The following HECW2 variants were observed in gnomAD, a reference collection of about 807,000 sequenced individuals.
HECW2 encodes HECT, C2 and WW domain containing E3 ubiquitin protein ligase 2.
A neutral mutation model predicts 175.2 loss-of-function variants in HECW2; 61 were observed. The ratio of observed to expected loss-of-function variants is 0.35; its 90% CI spans 0.28 to 0.43. The LOEUF is 0.43. Ranked by LOEUF, HECW2 falls within the 20% of genes least tolerant of loss-of-function variation. The probability of loss-of-function intolerance (pLI) is 1.00; values close to 1 mark genes in which losing one functional copy is unlikely to be tolerated. For missense variants in HECW2, 1,524 were observed against 2,000.5 expected, an observed-to-expected ratio of 0.76 and a Z score of 4.54; for synonymous variants, 671 against 731.0, an observed-to-expected ratio of 0.92 and a Z score of 1.32.
At chr2:196,271,337 T>C in intron 16 of HECW2, 48 bp from the exon 17 acceptor site, 1 of 1,391,614 alleles carries the variant, frequency 7.2e-7, no homozygotes. Flanking sequence ...GAATCTATTT[T>C]TAGTTTTATG....
At chr2:196,335,009 A>G (rs1374661180) in intron 3 of HECW2, among the ~76,000 whole-genome samples, 1 of 152,238 alleles carries the variant, frequency 6.6e-6, no homozygotes, top group South Asian at 2.1e-4. Flanking sequence ...CTCTATCTAC[A>G]TTGACTGTAG....
rs368381961 is a variant in HECW2 at position 196,396,529 on chromosome 2, T to C, written c.292+36603A>G. Among the ~76,000 whole-genome samples, 8 of 152,338 alleles carry C rather than the reference T, an allele frequency of 5.3e-5. No homozygotes were observed. The East Asian group carries it at 9.6e-4, about 18-fold the overall frequency. On this transcript the variant is annotated intron_variant, in intron 2 of 28. Coordinates refer to ENST00000644978, the MANE Select transcript of HECW2 (RefSeq NM_001348768.2). ...ATTACACATTTCTGGTTGCAACATA[T>C]AAGACCATTTCAATCTTCTAAAGAA...
intron 13 of HECW2, among the ~76,000 whole-genome samples, chr2:196,294,889 T>C (rs546337690): frequency 6.6e-6 from 1 of 152,344 alleles, no homozygotes; most frequent in Admixed American, 6.5e-5. Flanking sequence ...TAATCCTTTG[T>C]TAGCTTAAGC....
At chr2:196,459,754 G>C (rs1212772697) in intron 1 of HECW2, among the ~76,000 whole-genome samples, 2 of 152,128 alleles carry the variant, frequency 1.3e-5, no homozygotes, top group Admixed American at 6.5e-5. Flanking sequence ...AGACCACAGA[G>C]TGGTTCTGGC....
chr2:196,420,287 T>C (rs1695373768), intron 2 of HECW2, among the ~76,000 whole-genome samples: 3 of 152,188 alleles, frequency 2.0e-5, no homozygotes. Context: ...GTGAGGCAAG[T>C]CTGTATTTAT....
rs551972839 is a variant in HECW2 at position 196,457,235 on chromosome 2, C to T, written c.-35-23777G>A. 3.3e-5 allele frequency among the ~76,000 whole-genome samples: 5 copies of T among 152,338 alleles called. No homozygotes were observed. In the East Asian group the frequency reaches 9.6e-4, roughly 29 times the overall value. On this transcript the variant is annotated intron_variant, in intron 1 of 28. Transcript: ENST00000644978. The stretch of plus-strand genomic sequence containing the variant: ...AAGTTTCAATGGCTTACAACTGCTT[C>T]ACTTTTACACAGAATTTTTGAACTA...
At chr2:196,526,640 A>G (rs11885127) in intron 1 of HECW2, among the ~76,000 whole-genome samples, 19,187 of 107,510 alleles carry the variant, frequency 0.18, 3,177 homozygotes, top group African/African-American at 0.46. Context: ...TGATGGTGAT[A>G]AACAGATGGG....
intron 1 of HECW2, among the ~76,000 whole-genome samples, chr2:196,434,657 C>G (rs1192479895): frequency 6.6e-6 from 1 of 152,174 alleles, no homozygotes; most frequent in African/African-American, 2.4e-5. Flanking sequence ...CTGTACCATC[C>G]CTTTCAGAAC....
In HECW2 at chr2:196,195,373, C is replaced by T. The variant is rs1461835255; in HGVS notation, c.*5904G>A. ...AGTCATATAGAAAGATATCACCTGC[C>T]CAAGGGCACTACACATAAAAATCAC... On this transcript the variant is annotated 3_prime_UTR_variant, in exon 29 of 29. Coordinates refer to ENST00000644978, the MANE Select transcript of HECW2 (RefSeq NM_001348768.2). 3.3e-5 allele frequency: 5 copies of T among 152,172 alleles called. No individual in the cohort carries two copies. The highest frequency in any genetic ancestry group is 4.8e-5 in the African/African-American group (2 of 41,428). The allele number at this position is 152,172 out of a possible 1,614,324, so 9.4% of individuals were successfully genotyped here.
At position 196,318,785 on chromosome 2, in the gene HECW2, C is replaced by T. The variant is rs762946487; in HGVS notation, c.2105G>A (p.Cys702Tyr). 1 of 1,528,250 alleles carries T rather than the reference C, an allele frequency of 6.5e-7. No individual in the cohort carries two copies. Among genetic ancestry groups the T allele is most frequent in the South Asian group, 1.3e-5 (1 of 77,044 alleles). 94.7% of individuals were successfully genotyped at this position (1,528,250 alleles called of 1,614,324 possible). A position where few individuals can be genotyped will look rare whatever the true frequency, so the allele number is the denominator to read the frequency against. Residue 702 changes from cysteine to tyrosine, a missense_variant, in exon 9 of 29, where the codon TGC becomes TAC. Cys to Tyr is a radical substitution (Grantham distance 194). Coordinates refer to ENST00000644978, the MANE Select transcript of HECW2 (RefSeq NM_001348768.2). ...GPAEGSQESV[C>Y]TAGSLPVVQV... The stretch of plus-strand genomic sequence containing the variant: ...TACCACAGGTAAAGAACCAGCAGTG[C>T]ACACGGATTCCTGCGACCCTTCGGC...
chr2:196,434,940 G>C (rs1695827733), intron 1 of HECW2, among the ~76,000 whole-genome samples: 1 of 152,238 alleles, frequency 6.6e-6, no homozygotes, highest in Non-Finnish European at 1.5e-5. Context: ...TCTGAGAGGA[G>C]GGCAAGGGAA....
chr2:196,228,582 C>T (rs760110978), intron 21 of HECW2, among the ~76,000 whole-genome samples: 21 of 152,112 alleles, frequency 1.4e-4, no homozygotes, highest in African/African-American at 3.4e-4. Context: ...GTAAATCTTT[C>T]GAATGTCAGG....
intron 1 of HECW2, among the ~76,000 whole-genome samples, chr2:196,474,464 A>G (rs949697020): frequency 6.6e-6 from 1 of 152,204 alleles, no homozygotes; most frequent in African/African-American, 2.4e-5. Flanking sequence ...TGTGCATTTT[A>G]CCTTAATAAT....
rs531920307 is a variant in HECW2 at position 196,278,133 on chromosome 2, A to AAAAAAAAAAAAAATATATATAT, written c.3135+394_3135+395insATATATATATTTTTTTTTTTTT. Among the ~76,000 whole-genome samples, 20 of 66,566 alleles carry AAAAAAAAAAAAAATATATATAT rather than the reference A, an allele frequency of 3.0e-4. 1 individual carries two copies. Among genetic ancestry groups the AAAAAAAAAAAAAATATATATAT allele is most frequent in the African/African-American group, 7.8e-4 (19 of 24,322 alleles). The allele number at this position is 66,566 out of a possible 152,430, so 43.7% of individuals were successfully genotyped here. On this transcript the variant is annotated intron_variant, in intron 15 of 28. Transcript: ENST00000644978. ...CCTAGAACTTAAAGTATAATTAAAAAATATATATATATATATATAAAGAAA... is the reference window on the plus strand; with the variant it reads ...CCTAGAACTTAAAGTATAATTAAAAAAAAAAAAAAAAAATATATATATATATATATATATATATATAAAGAAA...
chr2:196,393,454 A>G (rs183491224), intron 2 of HECW2, among the ~76,000 whole-genome samples: 1 of 126,244 alleles, frequency 7.9e-6, no homozygotes, highest in East Asian at 2.8e-4. Flanking sequence ...CAAATTTACA[A>G]GAAAAAAAAT....
chr2:196,417,552 C>G (rs1250732465), intron 2 of HECW2, among the ~76,000 whole-genome samples: 1 of 152,212 alleles, frequency 6.6e-6, no homozygotes, highest in Non-Finnish European at 1.5e-5. Flanking sequence ...GTAACTGGTA[C>G]TACTGGCAAA....
chr2:196,342,679 T>G lies in HECW2; in HGVS notation c.400+978A>C, dbSNP rs1046563370. On this transcript the variant is annotated intron_variant, in intron 3 of 28. Transcript: ENST00000644978. Reference sequence around the variant, plus strand: ...AACACTGAATTAATTAGGTAATAGTTGAGTTATCTGCAGCCAATGTCTGAT... The same window carrying G: ...AACACTGAATTAATTAGGTAATAGTGGAGTTATCTGCAGCCAATGTCTGAT... Among the ~76,000 whole-genome samples the G allele has an allele frequency of 3.3e-5, 5 of 152,122 alleles. No homozygotes were observed. The East Asian group carries it at 9.6e-4, about 29-fold the overall frequency.
In HECW2 at chr2:196,307,149, G is replaced by A. The variant is rs1221230675; in HGVS notation, c.2670C>T (p.Asp890=). Residue 890 remains aspartate (D), a synonymous_variant, in exon 12 of 29, where the codon GAC becomes GAT. Transcript: ENST00000644978. Reference sequence around the variant, plus strand: ...TCTTACCTGCACTGGCTTGGTGAAAGTCAGCTTCCTCCCCTGCCCCATCAA... The same window carrying A: ...TCTTACCTGCACTGGCTTGGTGAAAATCAGCTTCCTCCCCTGCCCCATCAA... ...NAIDGAGEEA[D]FHQASADFRR... The A allele has an allele frequency of 4.3e-6, 7 of 1,613,298 alleles. No individual in the cohort carries two copies. The highest frequency in any genetic ancestry group is 5.9e-6 in the Non-Finnish European group (7 of 1,179,272).
chr2:196,204,333 G>GA (rs1246843680), intron 28 of HECW2, among the ~76,000 whole-genome samples: 26 of 146,614 alleles, frequency 1.8e-4, no homozygotes, highest in African/African-American at 6.7e-4. Context: ...CTTATTTCTT[G>GA]TTTTTTGTTT....
Sources: allele counts gnomAD v4.1 joint callset (sites outside exome capture counted in the v4.1 genomes callset), GRCh38; gene constraint gnomAD v4.1.1; transcripts MANE v1.5; gene names NCBI Gene and HGNC (gene_info 2026-07-23, HGNC 2026-07-21).